Variants in PKD1L1 observed in about 807,000 individuals in gnomAD.
The protein encoded by PKD1L1 is polycystin 1 like 1, transient receptor potential channel interacting.
Under a neutral mutation model 323.4 loss-of-function variants are expected in PKD1L1, and 236 were observed. That is an observed-to-expected ratio of 0.73 (90% confidence interval 0.66 to 0.81). The LOEUF is 0.81. Among genes scored for constraint, PKD1L1 ranks in the 40% least tolerant of loss-of-function variants. The probability of loss-of-function intolerance (pLI) is 0.00; values close to 1 mark genes in which losing one functional copy is unlikely to be tolerated. For missense variants in PKD1L1, 3,320 were observed against 3,508.0 expected (o/e 0.95, Z 1.35); for synonymous variants, 1,344 against 1,335.0 (o/e 1.01, Z -0.15).
intron 22 of PKD1L1, 24 bp downstream of exon 22, chr7:47,877,465 A>G (rs948071765): frequency 1.2e-6 from 2 of 1,612,190 alleles, no homozygotes; most frequent in African/African-American, 2.7e-5. Context: ...GTCTCTCAGG[A>G]CAGACATGGG....
intron 26 of PKD1L1, among the ~76,000 whole-genome samples, chr7:47,863,760 C>T (rs576927170): frequency 1.3e-5 from 2 of 152,140 alleles, no homozygotes; most frequent in East Asian, 3.9e-4. Flanking sequence ...TGGTGACGTG[C>T]ATCTGTGGTC....
chr7:47,812,989 G>A, intron 49 of PKD1L1, 132 bp downstream of exon 49: 1 of 1,063,228 alleles, frequency 9.4e-7, no homozygotes, highest in South Asian at 1.6e-5. Context: ...TGGAGCCCCT[G>A]GCAGTGGTGC....
intron 40 of PKD1L1, 31 bp downstream of exon 40, chr7:47,834,308 G>A: frequency 3.1e-6 from 5 of 1,605,654 alleles, no homozygotes; most frequent in Non-Finnish European, 4.3e-6. Flanking sequence ...CATGCTAGAA[G>A]ATTAGCTGCT....
At chr7:47,880,265 C>CAT (rs1223516389) in intron 21 of PKD1L1, among the ~76,000 whole-genome samples, 855 of 75,520 alleles carry the variant, frequency 0.011, 67 homozygotes, top group East Asian at 0.077. Context: ...TATATATATA[C>CAT]ATATATATAT....
the PKD1L1 span, among the ~76,000 whole-genome samples, chr7:47,955,042 G>T: frequency 1.3e-4 from 20 of 152,280 alleles, no homozygotes; most frequent in South Asian, 2.1e-3. Flanking sequence ...GTGCGTGGCT[G>T]GTCTCTCCCA....
Position 47,809,532 on chromosome 7 carries a change from A to G in PKD1L1, c.7627T>C (p.Tyr2543His). 2.5e-6 allele frequency: 4 copies of G among 1,609,694 alleles called. No individual in the cohort carries two copies. The highest frequency in any genetic ancestry group is 3.4e-6 in the Non-Finnish European group (4 of 1,178,224). Residue 2543 changes from tyrosine (Y) to histidine (H), a missense_variant, in exon 51 of 57, where the codon TAC becomes CAC. Coordinates refer to ENST00000289672, the MANE Select transcript of PKD1L1 (RefSeq NM_138295.5). The stretch of plus-strand genomic sequence containing the variant: ...AGGACGCCCTTGTCCATCATACGGT[A>G]GAGTTGAACACAGAGGTGGATCAGG... ...LSLIHLCVQL[Y>H]RMMDKGVLSY... is the part of the protein sequence containing the mutation.
chr7:47,908,098 C>G lies in PKD1L1; in HGVS notation c.1381G>C (p.Asp461His). The G allele has an allele frequency of 6.2e-7, 1 of 1,613,872 alleles. No individual in the cohort carries two copies. Among genetic ancestry groups the G allele is most frequent in the Non-Finnish European group, 8.5e-7 (1 of 1,180,000 alleles). ...TTACTTTTCTGATTCACTTGGGAGT[C>G]AGCAAAGACAAGCACTTCATCTTCA... ...VHEDEVLVFA[D>H]SQVNQKSTVV... The change falls in exon 9 of 57, where the codon GAC becomes CAC. Residue 461 changes from aspartate (D) to histidine (H), a missense_variant. Asp to His is a moderately conservative substitution (Grantham distance 81). Coordinates refer to ENST00000289672, the MANE Select transcript of PKD1L1 (RefSeq NM_138295.5).
intron 55 of PKD1L1, among the ~76,000 whole-genome samples, chr7:47,795,026 T>A (rs1784487334): frequency 6.6e-6 from 1 of 152,214 alleles, no homozygotes; most frequent in Non-Finnish European, 1.5e-5. Flanking sequence ...GGAAGGGACT[T>A]GCCTTGTCTC....
Position 47,847,044 on chromosome 7 carries a change from A to C in PKD1L1, c.4988T>G (p.Leu1663Trp), listed in dbSNP as rs1305163774. The C allele has an allele frequency of 6.2e-7, 1 of 1,603,270 alleles. No homozygotes were observed. Residue 1663 changes from leucine to tryptophan, a missense_variant, in exon 32 of 57, where the codon TTG becomes TGG. Physicochemically the swap from Leu to Trp is moderately conservative, Grantham distance 61. Transcript: ENST00000289672. ...KDASVGYLSL[L>W]DADYDRKPPN... ...AGGTTTTCTGTCATAGTCAGCATCC[A>C]ATAAGGATAAATAGCCTACACTGGC...
At chr7:47,875,967 A>G in intron 23 of PKD1L1, 130 bp downstream of exon 23, 1 of 942,360 alleles carries the variant, frequency 1.1e-6, no homozygotes, top group Non-Finnish European at 1.5e-6. Flanking sequence ...AATAAACCTA[A>G]ACTGAAAAGC....
intron 56 of PKD1L1, among the ~76,000 whole-genome samples, chr7:47,781,700 C>T (rs370570743): frequency 6.8e-4 from 103 of 152,218 alleles, no homozygotes; most frequent in African/African-American, 2.3e-3. Context: ...TGAGCCACCA[C>T]ACCAAGCCAG....
At position 47,874,882 on chromosome 7, in the gene PKD1L1, G is replaced by A. The variant is rs534962860; in HGVS notation, c.3785-872C>T. Among the ~76,000 whole-genome samples the A allele has an allele frequency of 2.6e-5, 4 of 152,244 alleles. No homozygotes were observed. In the South Asian group the frequency reaches 6.2e-4, roughly 24 times the overall value. On this transcript the variant is annotated intron_variant, in intron 23 of 56. Coordinates refer to ENST00000289672, the MANE Select transcript of PKD1L1 (RefSeq NM_138295.5). ...GCCCCCTTACAAATCTTGAGTTCAG[G>A]TATTCATAGGAATTGGCTGTACTGA...
At chr7:47,899,425 A>G (rs1349452391) in intron 13 of PKD1L1, among the ~76,000 whole-genome samples, 3 of 151,782 alleles carry the variant, frequency 2.0e-5, no homozygotes, top group Admixed American at 1.3e-4. Flanking sequence ...ATGGGGGGGA[A>G]TATTAGTGTC....
chr7:47,831,792 A>G (rs1785354058), intron 41 of PKD1L1, among the ~76,000 whole-genome samples: 1 of 152,198 alleles, frequency 6.6e-6, no homozygotes, highest in Admixed American at 6.5e-5. Flanking sequence ...CCCCAACATC[A>G]GAGGCAGAGA....
At chr7:47,906,037 G>C (rs527723741) in intron 9 of PKD1L1, 75 bp from the exon 10 acceptor site, 3 of 1,338,104 alleles carry the variant, frequency 2.2e-6, no homozygotes, top group East Asian at 2.8e-5. Context: ...CACACAGTCA[G>C]TATTTTTCAT....
chr7:47,903,930 A>G (rs1343601534), intron 12 of PKD1L1, among the ~76,000 whole-genome samples: 1 of 152,226 alleles, frequency 6.6e-6, no homozygotes, highest in Non-Finnish European at 1.5e-5. Flanking sequence ...ATGCTCTTCC[A>G]TATGACATCA....
chr7:47,940,018 GC>G (rs201828397), intron 3 of PKD1L1, among the ~76,000 whole-genome samples, 174 bp downstream of exon 3: 2 of 152,224 alleles, frequency 1.3e-5, no homozygotes, highest in East Asian at 3.8e-4. Context: ...GTGGAACTAT[GC>G]TCTGGAGCTG....
chr7:47,903,364 C>T (rs1311931201), intron 12 of PKD1L1, among the ~76,000 whole-genome samples: 2 of 152,042 alleles, frequency 1.3e-5, no homozygotes, highest in African/African-American at 4.8e-5. Flanking sequence ...GTGGAGGCAC[C>T]GAATAAACCA....
rs17710874 is a variant in PKD1L1 at position 47,834,467 on chromosome 7, G to A, written c.6128-82C>T. On this transcript the variant is annotated intron_variant, in intron 39 of 56. Coordinates refer to ENST00000289672, the MANE Select transcript of PKD1L1 (RefSeq NM_138295.5). ...AGGGATATGTTTAAGGATTAGCGGG[G>A]ACACTACTTTCTTCAGCAAATACTC... is the stretch of plus-strand genomic sequence containing the variant. The A allele has an allele frequency of 0.18, 203,739 of 1,114,438 alleles. 20,437 individuals are homozygous for A. The highest frequency in any genetic ancestry group is 0.24 in the Admixed American group (13,560 of 55,434). The allele number at this position is 1,114,438 out of a possible 1,614,324, so 69.0% of individuals were successfully genotyped here.
Sources: allele counts gnomAD v4.1 joint callset (sites outside exome capture counted in the v4.1 genomes callset), GRCh38; gene constraint gnomAD v4.1.1; transcripts MANE v1.5; gene names NCBI Gene and HGNC (gene_info 2026-07-23, HGNC 2026-07-21).